ATOH8: variants seen among roughly 807,000 people sequenced by gnomAD.
ATOH8 encodes transcription factor ATOH8.
A neutral mutation model predicts 21.2 loss-of-function variants in ATOH8; 9 were observed. The observed-to-expected ratio is 0.42, with a 90% CI of 0.26 to 0.74. The LOEUF is 0.74. Ranked by LOEUF, ATOH8 falls within the 30% of genes least tolerant of loss-of-function variation. ATOH8 has a pLI of 0.24. For synonymous variants in ATOH8, 253 were observed against 224.0 expected (o/e 1.13, Z -1.16); for missense variants, 524 against 470.9 (o/e 1.11, Z -1.04).
Position 85,754,241 on chromosome 2 carries a change from AAGG to A in ATOH8, c.55_57del (p.Glu19del). Reference sequence around the variant, plus strand: ...CGGGCCGTGGAAGACCGTGTGCGTGAAGGAGCTGAACGGCCTTAAGAAGCTCAA... The same window carrying A: ...CGGGCCGTGGAAGACCGTGTGCGTGAAGCTGAACGGCCTTAAGAAGCTCAA... On this transcript the variant is annotated inframe_deletion, in exon 1 of 3. Coordinates refer to ENST00000306279, the MANE Select transcript of ATOH8 (RefSeq NM_032827.7). The A allele has an allele frequency of 6.2e-7, 1 of 1,608,652 alleles. No homozygotes were observed. The highest frequency in any genetic ancestry group is 8.5e-7 in the Non-Finnish European group (1 of 1,178,304).
chr2:85,788,255 G>A lies in ATOH8; in HGVS notation c.*1365G>A, dbSNP rs963697663. Reference sequence around the variant, plus strand: ...GCGGTTCCCACAGTAGTCTCAGCCTGGACTAGTGACCAGGAGGCCTGGTCA... The same window carrying A: ...GCGGTTCCCACAGTAGTCTCAGCCTAGACTAGTGACCAGGAGGCCTGGTCA... On this transcript the variant is annotated 3_prime_UTR_variant, in exon 3 of 3. Coordinates refer to ENST00000306279, the MANE Select transcript of ATOH8 (RefSeq NM_032827.7). Among the ~76,000 whole-genome samples the A allele has an allele frequency of 1.3e-5, 2 of 151,968 alleles. No individual in the cohort carries two copies. Among genetic ancestry groups the A allele is most frequent in the Admixed American group, 6.6e-5 (1 of 15,256 alleles).
Position 85,774,144 on chromosome 2 carries a change from C to T in ATOH8, c.960+9962C>T, listed in dbSNP as rs894321228. On this transcript the variant is annotated intron_variant, in intron 2 of 2. Coordinates refer to ENST00000306279, the MANE Select transcript of ATOH8 (RefSeq NM_032827.7). ...TGCTCTCCCTCCCATGTCTCCTGCC[C>T]AAGAAGTTGGTCTTCGTGGGGCCAA... The T allele has an allele frequency of 1.9e-5, 19 of 985,334 alleles. No homozygotes were observed. The East Asian group carries it at 2.0e-3, about 106-fold the overall frequency. 61.0% of individuals were successfully genotyped at this position (985,334 alleles called of 1,614,324 possible).
chr2:85,765,760 C>T (rs1444065690), intron 2 of ATOH8, among the ~76,000 whole-genome samples: 4 of 152,172 alleles, frequency 2.6e-5, no homozygotes, highest in East Asian at 1.9e-4. Flanking sequence ...CCCGCCTTCC[C>T]GGGTTCTTTG....
At chr2:85,779,959 A>G (rs1680438823) in intron 2 of ATOH8, among the ~76,000 whole-genome samples, 1 of 152,172 alleles carries the variant, frequency 6.6e-6, no homozygotes, top group Admixed American at 6.5e-5. Context: ...TGGCAATCAC[A>G]CCGACAACCA....
At chr2:85,786,611 G>A (rs1009584080) in intron 2 of ATOH8, among the ~76,000 whole-genome samples, 3 of 152,158 alleles carry the variant, frequency 2.0e-5, no homozygotes, top group South Asian at 2.1e-4. Flanking sequence ...AGCTTCCAGC[G>A]GCCCTGGCTC....
In ATOH8 at chr2:85,791,167, C is replaced by T. The variant is rs1680758732; in HGVS notation, c.*4277C>T. Among the ~76,000 whole-genome samples, 1 of 152,140 alleles carries T rather than the reference C, an allele frequency of 6.6e-6. No homozygotes were observed. The highest frequency in any genetic ancestry group is 2.1e-4 in the South Asian group (1 of 4,822). On this transcript the variant is annotated 3_prime_UTR_variant, in exon 3 of 3. Coordinates refer to ENST00000306279, the MANE Select transcript of ATOH8 (RefSeq NM_032827.7). ...CCCCAGACAAACTATGCCTGCCTCC[C>T]TGAAGCCAGGCATCCTGAGGAACTT... is the stretch of plus-strand genomic sequence containing the variant.
In ATOH8 at chr2:85,754,944, C is replaced by T. The variant is rs777679592; in HGVS notation, c.755C>T (p.Ala252Val). ...CACACCATCAGCGCAGCCTTCGAGG[C>T]GCTCAGGAAGCAGGTACCCGCTCGC... Reference protein sequence around the residue: ...RVHTISAAFEALRKQVPCYSY... With the variant: ...RVHTISAAFEVLRKQVPCYSY... The change falls in exon 1 of 3, where the codon GCG (alanine) becomes GTG (valine). Residue 252 changes from alanine to valine, a missense_variant. Ala to Val is a moderately conservative substitution (Grantham distance 64). Transcript: ENST00000306279. The T allele has an allele frequency of 1.3e-6, 2 of 1,595,474 alleles. No homozygotes were observed. Among genetic ancestry groups the T allele is most frequent in the East Asian group, 2.2e-5 (1 of 44,596 alleles).
At chr2:85,765,670 C>T (rs1679995447) in intron 2 of ATOH8, among the ~76,000 whole-genome samples, 1 of 151,846 alleles carries the variant, frequency 6.6e-6, no homozygotes, top group Admixed American at 6.6e-5. Flanking sequence ...GGCAGGCGCC[C>T]CGTCTCCATC....
chr2:85,778,220 A>G (rs1680382942), intron 2 of ATOH8, among the ~76,000 whole-genome samples: 1 of 152,240 alleles, frequency 6.6e-6, no homozygotes, highest in Non-Finnish European at 1.5e-5. Flanking sequence ...TCAGGATTCA[A>G]ACAGAGGCCG....
chr2:85,774,572 C>A (rs1188272147), intron 2 of ATOH8: 4 of 985,610 alleles, frequency 4.1e-6, no homozygotes, highest in Non-Finnish European at 4.8e-6. Context: ...GCCACCGGCG[C>A]CTGTCTTAGC....
chr2:85,757,051 T>C (rs1437376556), intron 1 of ATOH8, among the ~76,000 whole-genome samples: 1 of 152,140 alleles, frequency 6.6e-6, no homozygotes, highest in Non-Finnish European at 1.5e-5. Context: ...CACAGGCAGG[T>C]ACACACACAC....
rs1192576469 is a variant in ATOH8 at position 85,754,740 on chromosome 2, C to T, written c.551C>T (p.Pro184Leu). 1.2e-6 allele frequency: 2 copies of T among 1,612,680 alleles called. No homozygotes were observed. The highest frequency in any genetic ancestry group is 1.1e-5 in the South Asian group (1 of 91,088). The change falls in exon 1 of 3, where the codon CCG (proline) becomes CTG (leucine). Residue 184 changes from proline (P) to leucine (L), a missense_variant. Pro to Leu is a moderately conservative substitution (Grantham distance 98, BLOSUM62 -3). Coordinates refer to ENST00000306279, the MANE Select transcript of ATOH8 (RefSeq NM_032827.7). ...GAGTCCACTGTGCGCCCTGCGCCCC[C>T]GACGCGCCCCGGGGAAAGTTCCTAC... ...PPESTVRPAP[P>L]TRPGESSYSS... is the part of the protein sequence containing the mutation.
intron 2 of ATOH8, chr2:85,774,005 G>C: frequency 1.2e-6 from 1 of 826,032 alleles, no homozygotes; most frequent in South Asian, 5.6e-5. Context: ...GCGGCCGGGT[G>C]CTCAAGTGTT....
intron 2 of ATOH8, among the ~76,000 whole-genome samples, chr2:85,776,510 G>A (rs1039577252): frequency 2.0e-5 from 3 of 152,224 alleles, no homozygotes; most frequent in South Asian, 4.1e-4. Flanking sequence ...TGGGCAGAGG[G>A]ACTTCAGTGT....
chr2:85,788,584 A>T lies in ATOH8; in HGVS notation c.*1694A>T, dbSNP rs1680685269. On this transcript the variant is annotated 3_prime_UTR_variant, in exon 3 of 3. Transcript: ENST00000306279. ...AATAAAGGCCCATTGGGACTGGGGG[A>T]AGGGGTGATAAGATAAAAAATAGGA... Among the ~76,000 whole-genome samples the T allele has an allele frequency of 6.6e-6, 1 of 151,950 alleles. No individual in the cohort carries two copies. The highest frequency in any genetic ancestry group is 6.6e-5 in the Admixed American group (1 of 15,254).
intron 1 of ATOH8, chr2:85,760,753 C>G (rs1173672931): frequency 6.6e-6 from 1 of 152,276 alleles, no homozygotes; most frequent in Non-Finnish European, 1.5e-5. Flanking sequence ...CCAACAGTCA[C>G]GGAGAATCTG....
At chr2:85,780,893 C>T in intron 2 of ATOH8, 1 of 985,896 alleles carries the variant, frequency 1.0e-6, no homozygotes, top group Non-Finnish European at 1.2e-6. Flanking sequence ...AAATTTCCTG[C>T]CTGTCACCCA....
chr2:85,772,068 T>C (rs1680197770), intron 2 of ATOH8, among the ~76,000 whole-genome samples: 1 of 152,170 alleles, frequency 6.6e-6, no homozygotes, highest in South Asian at 2.1e-4. Context: ...CCTGGTGCCG[T>C]CCCTTGCCCA....
At chr2:85,770,078 C>G (rs1680138405) in intron 2 of ATOH8, among the ~76,000 whole-genome samples, 1 of 152,212 alleles carries the variant, frequency 6.6e-6, no homozygotes, top group Non-Finnish European at 1.5e-5. Flanking sequence ...GGCGGTTTGC[C>G]CTGAGAATAC....
Sources: gnomAD v4.1 joint callset for allele counts (sites outside exome capture counted in the v4.1 genomes callset) on GRCh38, gnomAD v4.1.1 for gene constraint, MANE v1.5 for transcripts, NCBI Gene and HGNC (gene_info 2026-07-23, HGNC 2026-07-21) for gene names.